The following SGCZ variants were observed in gnomAD, a reference collection of about 807,000 sequenced individuals.
SGCZ encodes the protein sarcoglycan zeta.
Under a neutral mutation model 41.3 loss-of-function variants are expected in SGCZ, and 40 were observed. That is an observed-to-expected ratio of 0.97 (90% CI 0.75 to 1.26). The LOEUF (loss-of-function observed/expected upper bound fraction) is 1.26. SGCZ is among the 50% of genes most tolerant of loss of function. The pLI is 0.00. For missense variants in SGCZ, 552 were observed against 369.8 expected, an observed-to-expected ratio of 1.49 and a Z score of -4.04; for synonymous variants, 206 against 137.5, an observed-to-expected ratio of 1.50 and a Z score of -3.49.
intron 1 of SGCZ, among the ~76,000 whole-genome samples, chr8:14,621,060 T>A (rs190682620): frequency 6.6e-6 from 1 of 151,600 alleles, no homozygotes. Flanking sequence ...CAATGATAGA[T>A]TGGATTAAGA....
intron 1 of SGCZ, among the ~76,000 whole-genome samples, chr8:15,191,465 C>A (rs1308730147): frequency 2.0e-5 from 3 of 151,784 alleles, no homozygotes; most frequent in African/African-American, 7.3e-5. Flanking sequence ...GTATTTAACC[C>A]TGAAAACAAT....
chr8:14,300,203 C>A (rs1425233022), intron 3 of SGCZ, among the ~76,000 whole-genome samples: 1 of 150,820 alleles, frequency 6.6e-6, no homozygotes, highest in Non-Finnish European at 1.5e-5. Flanking sequence ...CACATATATA[C>A]ATATTTTAAT....
At chr8:14,503,301 T>C (rs1308383987) in intron 2 of SGCZ, among the ~76,000 whole-genome samples, 2 of 151,636 alleles carry the variant, frequency 1.3e-5, no homozygotes, top group Non-Finnish European at 2.9e-5. Flanking sequence ...TGTCAGGGGA[T>C]GGGGGGCAAG....
chr8:14,868,512 G>T (rs1006388026), intron 1 of SGCZ, among the ~76,000 whole-genome samples: 2 of 152,096 alleles, frequency 1.3e-5, no homozygotes, highest in African/African-American at 4.8e-5. Context: ...CACTGAATGA[G>T]TGGATAGATG....
intron 1 of SGCZ, among the ~76,000 whole-genome samples, chr8:14,691,787 T>C (rs1160288119): frequency 4.6e-5 from 7 of 151,384 alleles, no homozygotes; most frequent in African/African-American, 1.7e-4. Context: ...AAAACTGCAA[T>C]AAAATTTTTT....
intron 2 of SGCZ, among the ~76,000 whole-genome samples, chr8:14,499,949 CA>C (rs1802101816): frequency 6.6e-6 from 1 of 152,042 alleles, no homozygotes; most frequent in African/African-American, 2.4e-5. Flanking sequence ...ATTCTTTCTT[CA>C]TACTCTACCA....
chr8:14,633,432 C>T (rs1806724135), intron 1 of SGCZ, among the ~76,000 whole-genome samples: 1 of 151,878 alleles, frequency 6.6e-6, no homozygotes, highest in Non-Finnish European at 1.5e-5. Context: ...TAACCTATTA[C>T]TTAACATATA....
At position 14,792,592 on chromosome 8, in the gene SGCZ, G is replaced by C. The variant is rs983850648; in HGVS notation, c.40-237666C>G. Among the ~76,000 whole-genome samples, 45 of 151,884 alleles carry C rather than the reference G, an allele frequency of 3.0e-4. 1 individual carries two copies. Among genetic ancestry groups the C allele is most frequent in the African/African-American group, 1.0e-3 (43 of 41,450 alleles). On this transcript the variant is annotated intron_variant, in intron 1 of 7. Transcript: ENST00000382080. ...ATTTTATATTATTATTATACTTTAA[G>C]TTTTAGGGTACATGTGCACAATGTG...
intron 1 of SGCZ, chr8:14,853,597 T>A (rs907075936): frequency 2.3e-6 from 1 of 429,814 alleles, no homozygotes; most frequent in African/African-American, 2.0e-5. Context: ...AAAAATTCAG[T>A]CACTGAAGTG....
At chr8:14,894,586 C>T (rs1805126490) in intron 1 of SGCZ, among the ~76,000 whole-genome samples, 1 of 152,126 alleles carries the variant, frequency 6.6e-6, no homozygotes, top group Non-Finnish European at 1.5e-5. Flanking sequence ...GCCTCTCACA[C>T]TGAAGACACA....
intron 1 of SGCZ, among the ~76,000 whole-genome samples, chr8:14,979,753 G>A (rs1312103604): frequency 3.3e-5 from 5 of 152,168 alleles, no homozygotes; most frequent in Admixed American, 2.6e-4. Flanking sequence ...ATGTTAGACT[G>A]GTTATTAGGA....
At chr8:14,315,169 T>G (rs1801674411) in intron 3 of SGCZ, among the ~76,000 whole-genome samples, 1 of 152,164 alleles carries the variant, frequency 6.6e-6, no homozygotes, top group South Asian at 2.1e-4. Context: ...TCACTTATAT[T>G]TCCTAAGTCT....
At chr8:14,263,636 A>G (rs1799757776) in intron 3 of SGCZ, among the ~76,000 whole-genome samples, 2 of 152,164 alleles carry the variant, frequency 1.3e-5, no homozygotes, top group Non-Finnish European at 2.9e-5. Flanking sequence ...ATGGCCAAAT[A>G]AGACCCTCCA....
At chr8:15,175,318 T>G (rs1799962616) in intron 1 of SGCZ, among the ~76,000 whole-genome samples, 1 of 151,832 alleles carries the variant, frequency 6.6e-6, no homozygotes, top group East Asian at 1.9e-4. Flanking sequence ...AAAGAAAATG[T>G]GATACCTGTA....
intron 3 of SGCZ, among the ~76,000 whole-genome samples, chr8:14,308,396 G>C (rs1179094119): frequency 6.6e-6 from 1 of 152,080 alleles, no homozygotes; most frequent in Non-Finnish European, 1.5e-5. Context: ...TGCAGTATTT[G>C]TGAGTGGATA....
intron 2 of SGCZ, among the ~76,000 whole-genome samples, chr8:14,534,046 G>A (rs545441423): frequency 1.3e-5 from 2 of 152,138 alleles, no homozygotes; most frequent in Admixed American, 1.3e-4. Flanking sequence ...AGGAGCTGCA[G>A]CAATAGATTC....
At chr8:14,538,423 A>G (rs1054489711) in intron 2 of SGCZ, among the ~76,000 whole-genome samples, 6 of 151,960 alleles carry the variant, frequency 3.9e-5, no homozygotes, top group African/African-American at 7.2e-5. Context: ...ATGAAGCAAG[A>G]GTAGAACATT....
At chr8:15,115,217 C>G (rs547183661) in intron 1 of SGCZ, among the ~76,000 whole-genome samples, 2 of 152,112 alleles carry the variant, frequency 1.3e-5, no homozygotes, top group Non-Finnish European at 2.9e-5. Context: ...ACATGCCTTC[C>G]GAGCTATCAA....
intron 1 of SGCZ, among the ~76,000 whole-genome samples, chr8:14,934,813 T>C (rs1161380227): frequency 6.6e-6 from 1 of 151,454 alleles, no homozygotes; most frequent in East Asian, 1.9e-4. Context: ...TGACTAAATA[T>C]ATCTGAAGAA....
Sources: gnomAD v4.1 joint callset for allele counts (sites outside exome capture counted in the v4.1 genomes callset) on GRCh38, gnomAD v4.1.1 for gene constraint, MANE v1.5 for transcripts, NCBI Gene and HGNC (gene_info 2026-07-23, HGNC 2026-07-21) for gene names.